The following ELMO1 variants were observed in gnomAD, a reference collection of about 807,000 sequenced individuals.
ELMO1 encodes the protein engulfment and cell motility protein 1.
A neutral mutation model predicts 98.9 loss-of-function variants in ELMO1; 26 were observed. The ratio of observed to expected loss-of-function variants is 0.26; its 90% confidence interval spans 0.19 to 0.36. ELMO1 has a LOEUF of 0.36. Ranked by LOEUF, ELMO1 falls within the 10% of genes least tolerant of loss-of-function variation. The pLI is 1.00. For missense variants in ELMO1, 627 were observed against 935.2 expected (o/e 0.67, Z 4.30); for synonymous variants, 346 against 346.0 (o/e 1.00, Z 0.00).
chr7:37,119,647 TC>T (rs1785867096), intron 14 of ELMO1, among the ~76,000 whole-genome samples: 1 of 152,202 alleles, frequency 6.6e-6, no homozygotes, highest in Non-Finnish European at 1.5e-5. Flanking sequence ...AGAAAACAAT[TC>T]TTCAGTAGAA....
intron 18 of ELMO1, among the ~76,000 whole-genome samples, chr7:36,879,076 C>T (rs889411872): frequency 5.3e-5 from 8 of 152,188 alleles, no homozygotes; most frequent in Non-Finnish European, 1.2e-4. Context: ...CTTAGTATTT[C>T]CCATTATCTG....
At chr7:36,880,559 C>T (rs939598368) in intron 18 of ELMO1, among the ~76,000 whole-genome samples, 4 of 152,164 alleles carry the variant, frequency 2.6e-5, no homozygotes, top group African/African-American at 9.7e-5. Context: ...TGGCTGTCTA[C>T]AATGCACACA....
At chr7:36,972,590 T>A (rs536824240) in intron 16 of ELMO1, among the ~76,000 whole-genome samples, 1 of 152,264 alleles carries the variant, frequency 6.6e-6, no homozygotes, top group East Asian at 1.9e-4. Context: ...TCTCTTTACA[T>A]CATCTTCCTT....
intron 16 of ELMO1, chr7:36,985,117 A>G (rs1374211247): frequency 1.0e-6 from 1 of 985,216 alleles, no homozygotes; most frequent in African/African-American, 1.7e-5. Flanking sequence ...ACGAAATTGA[A>G]AATTTCATCA....
At chr7:37,056,260 A>G (rs1796386484) in intron 15 of ELMO1, among the ~76,000 whole-genome samples, 1 of 152,222 alleles carries the variant, frequency 6.6e-6, no homozygotes, top group African/African-American at 2.4e-5. Context: ...TTAAAAAGCA[A>G]CAACAGTTGC....
chr7:37,153,309 G>A (rs1788489763), intron 13 of ELMO1, among the ~76,000 whole-genome samples: 1 of 152,184 alleles, frequency 6.6e-6, no homozygotes, highest in Non-Finnish European at 1.5e-5. Flanking sequence ...AGCCTATGGA[G>A]GGCGAGCCAA....
chr7:37,224,236 C>T (rs1286913947), intron 9 of ELMO1, among the ~76,000 whole-genome samples: 1 of 152,220 alleles, frequency 6.6e-6, no homozygotes, highest in African/African-American at 2.4e-5. Context: ...TAGAGTCCTT[C>T]TCAGGTTGGT....
At chr7:36,891,905 A>T (rs993165841) in intron 17 of ELMO1, among the ~76,000 whole-genome samples, 2 of 152,114 alleles carry the variant, frequency 1.3e-5, no homozygotes, top group African/African-American at 4.8e-5. Context: ...ATAGTGTTAA[A>T]TGATCGATTT....
intron 10 of ELMO1, among the ~76,000 whole-genome samples, chr7:37,219,688 G>C (rs1392227427): frequency 2.0e-5 from 3 of 152,274 alleles, no homozygotes; most frequent in Non-Finnish European, 4.4e-5. Flanking sequence ...GTAAAAGCAG[G>C]GATAAGGTTG....
chr7:37,082,951 GT>G (rs369727270), intron 15 of ELMO1, among the ~76,000 whole-genome samples: 37 of 152,294 alleles, frequency 2.4e-4, no homozygotes, highest in African/African-American at 7.5e-4. Context: ...TCAAGAACAG[GT>G]GACAACAAAG....
intron 1 of ELMO1, among the ~76,000 whole-genome samples, chr7:37,420,576 C>G (rs936166303): frequency 6.6e-6 from 1 of 152,194 alleles, no homozygotes; most frequent in African/African-American, 2.4e-5. Context: ...GCCTTTCCTG[C>G]GTGTGCCACA....
chr7:36,901,252 G>T (rs1349926769), intron 16 of ELMO1, among the ~76,000 whole-genome samples: 1 of 152,164 alleles, frequency 6.6e-6, no homozygotes, highest in Non-Finnish European at 1.5e-5. Flanking sequence ...TTTGCTGAGT[G>T]GTGTCGTGCA....
In ELMO1 at chr7:37,133,803, C is replaced by T. The variant is rs1787083844; in HGVS notation, c.1087-569G>A. On this transcript the variant is annotated intron_variant, in intron 13 of 21. Coordinates refer to ENST00000310758, the MANE Select transcript of ELMO1 (RefSeq NM_014800.11). ...GATATCCACAGGGTCCTGACATCTGCCTGCTCTCAGGAAGTCTGAGAACCT... is the reference window on the plus strand; with the variant it reads ...GATATCCACAGGGTCCTGACATCTGTCTGCTCTCAGGAAGTCTGAGAACCT... Among the ~76,000 whole-genome samples, 4 of 152,270 alleles carry T rather than the reference C, an allele frequency of 2.6e-5. No homozygotes were observed. In the South Asian group the frequency reaches 8.3e-4, roughly 32 times the overall value.
At chr7:37,445,746 C>A (rs1433709655) in intron 1 of ELMO1, among the ~76,000 whole-genome samples, 1 of 152,210 alleles carries the variant, frequency 6.6e-6, no homozygotes, top group Non-Finnish European at 1.5e-5. Context: ...CTCATCTCCC[C>A]TGCATCTGCC....
intron 15 of ELMO1, among the ~76,000 whole-genome samples, chr7:37,040,922 C>CA (rs202128440): frequency 0.011 from 1,611 of 151,622 alleles, 9 homozygotes; most frequent in Middle Eastern, 0.014. Flanking sequence ...ACTAAAAATA[C>CA]AAAAAAAATC....
At chr7:37,381,620 G>A (rs1285100281) in intron 1 of ELMO1, among the ~76,000 whole-genome samples, 3 of 152,144 alleles carry the variant, frequency 2.0e-5, no homozygotes, top group Non-Finnish European at 4.4e-5. Context: ...GTAAACTTAT[G>A]GAAAAATAAA....
At chr7:36,945,849 T>G (rs1787436583) in intron 16 of ELMO1, among the ~76,000 whole-genome samples, 1 of 152,208 alleles carries the variant, frequency 6.6e-6, no homozygotes, top group Non-Finnish European at 1.5e-5. Flanking sequence ...TGGACCAACT[T>G]TAATTAAAAG....
At chr7:37,355,406 T>C (rs974862817) in intron 1 of ELMO1, among the ~76,000 whole-genome samples, 11 of 152,216 alleles carry the variant, frequency 7.2e-5, no homozygotes, top group Non-Finnish European at 1.5e-4. Flanking sequence ...TCCAGTCTCA[T>C]GAAACACACA....
At chr7:36,933,491 A>C (rs1355323512) in intron 16 of ELMO1, among the ~76,000 whole-genome samples, 1 of 152,194 alleles carries the variant, frequency 6.6e-6, no homozygotes, top group East Asian at 1.9e-4. Flanking sequence ...TCACAATTGC[A>C]TAAGAAGCAC....
Sources: allele counts gnomAD v4.1 joint callset (sites outside exome capture counted in the v4.1 genomes callset), GRCh38; gene constraint gnomAD v4.1.1; transcripts MANE v1.5; gene names NCBI Gene and HGNC (gene_info 2026-07-23, HGNC 2026-07-21).